The following HS3ST4 variants were observed in gnomAD, a reference collection of about 807,000 sequenced individuals.
HS3ST4 encodes heparan sulfate glucosamine 3-O-sulfotransferase 4.
HS3ST4 carries 17 observed loss-of-function variants against 29.2 expected under a neutral mutation model. The observed-to-expected ratio is 0.58, with a 90% CI of 0.40 to 0.87. The LOEUF (loss-of-function observed/expected upper bound fraction) is 0.87, where lower values mean the gene tolerates loss of function less well. Ranked by LOEUF, HS3ST4 falls within the 40% of genes least tolerant of loss-of-function variation. The pLI is 0.00. For synonymous variants in HS3ST4, 314 were observed against 285.7 expected (o/e 1.10, Z -1.00); for missense variants, 627 against 634.5 (o/e 0.99, Z 0.13).
At chr16:25,937,511 C>A (rs4262950) in intron 1 of HS3ST4, among the ~76,000 whole-genome samples, 1 of 152,044 alleles carries the variant, frequency 6.6e-6, no homozygotes. Flanking sequence ...GGAACAGGAG[C>A]GTAGGAAAGC....
Position 25,947,307 on chromosome 16 carries a change from A to G in HS3ST4, c.735-188305A>G, listed in dbSNP as rs573070067. 2.0e-5 allele frequency among the ~76,000 whole-genome samples: 3 copies of G among 152,308 alleles called. No individual in the cohort carries two copies. In the South Asian group the frequency reaches 6.2e-4, roughly 32 times the overall value. The stretch of plus-strand genomic sequence containing the variant: ...CATCTCAGAAAATACTCCATTATCC[A>G]TGTCACGCCCAGCAAGTCTAACAAC... On this transcript the variant is annotated intron_variant, in intron 1 of 1. Coordinates refer to ENST00000331351, the MANE Select transcript of HS3ST4 (RefSeq NM_006040.3).
At chr16:26,105,093 C>T (rs1899035671) in intron 1 of HS3ST4, among the ~76,000 whole-genome samples, 1 of 152,214 alleles carries the variant, frequency 6.6e-6, no homozygotes, top group African/African-American at 2.4e-5. Context: ...ATGTCTCCCA[C>T]CCAGGTGCCC....
intron 1 of HS3ST4, among the ~76,000 whole-genome samples, chr16:25,877,152 T>C (rs1047811044): frequency 6.6e-6 from 1 of 152,126 alleles, no homozygotes; most frequent in African/African-American, 2.4e-5. Flanking sequence ...GTTCATGCCC[T>C]AAATCCTAAC....
chr16:26,032,478 A>C, intron 1 of HS3ST4: 1 of 1,076,306 alleles, frequency 9.3e-7, no homozygotes, highest in East Asian at 2.4e-5. Flanking sequence ...AACTTGATAA[A>C]AAATAGTATT....
intron 1 of HS3ST4, among the ~76,000 whole-genome samples, chr16:25,843,371 A>G (rs1389901459): frequency 6.6e-6 from 1 of 152,180 alleles, no homozygotes; most frequent in South Asian, 2.1e-4. Context: ...TTTACAAGCC[A>G]GCTGATTTCC....
intron 1 of HS3ST4, among the ~76,000 whole-genome samples, chr16:25,995,504 C>T (rs745806839): frequency 2.0e-4 from 30 of 152,174 alleles, no homozygotes; most frequent in Admixed American, 1.6e-3. Context: ...CCCAACAATT[C>T]CACTGAAAAC....
At chr16:25,955,038 GCTAA>G (rs1968715968) in intron 1 of HS3ST4, among the ~76,000 whole-genome samples, 1 of 152,226 alleles carries the variant, frequency 6.6e-6, no homozygotes, top group African/African-American at 2.4e-5. Flanking sequence ...AAATGTCAAT[GCTAA>G]CTGAGAGAAT....
At chr16:25,949,432 A>T (rs1282304500) in intron 1 of HS3ST4, among the ~76,000 whole-genome samples, 1 of 152,016 alleles carries the variant, frequency 6.6e-6, no homozygotes, top group African/African-American at 2.4e-5. Flanking sequence ...ATTTCTAGTG[A>T]TGTTTTTGAT....
chr16:26,090,199 A>G (rs1235914165), intron 1 of HS3ST4, among the ~76,000 whole-genome samples: 1 of 152,082 alleles, frequency 6.6e-6, no homozygotes, highest in African/African-American at 2.4e-5. Context: ...AACTTTCCCA[A>G]GATTACACAA....
chr16:26,079,433 C>T (rs1278657372), intron 1 of HS3ST4, among the ~76,000 whole-genome samples: 3 of 152,156 alleles, frequency 2.0e-5, no homozygotes, highest in Admixed American at 1.3e-4. Context: ...GCCTGGAAGC[C>T]CTGTAGCTTC....
At chr16:26,003,830 G>C (rs999950894) in intron 1 of HS3ST4, among the ~76,000 whole-genome samples, 1 of 152,112 alleles carries the variant, frequency 6.6e-6, no homozygotes, top group African/African-American at 2.4e-5. Context: ...TGCAGGGTGG[G>C]AAAAGTAGAC....
intron 1 of HS3ST4, among the ~76,000 whole-genome samples, chr16:25,903,713 G>C (rs1444446070): frequency 6.6e-6 from 1 of 152,062 alleles, no homozygotes; most frequent in Non-Finnish European, 1.5e-5. Flanking sequence ...CTGCATGCTA[G>C]GCTTTCTCTC....
intron 1 of HS3ST4, among the ~76,000 whole-genome samples, chr16:25,758,849 G>A (rs1428162649): frequency 2.6e-5 from 4 of 152,098 alleles, no homozygotes; most frequent in East Asian, 1.9e-4. Context: ...CCAGCTACTC[G>A]GGAGGCTGAG....
Position 25,692,449 on chromosome 16 carries a change from C to A in HS3ST4, c.32C>A (p.Pro11Gln). MARWPAPPPP[P>Q]PPPPPLAAPP... ...CGGTGGCCCGCACCTCCTCCGCCTCCGCCTCCGCCTCCACCTCTGGCCGCG... is the reference window on the plus strand; with the variant it reads ...CGGTGGCCCGCACCTCCTCCGCCTCAGCCTCCGCCTCCACCTCTGGCCGCG... Residue 11 changes from proline (P) to glutamine (Q), a missense_variant, in exon 1 of 2, where the codon CCG (proline) becomes CAG (glutamine). By Grantham distance (76) the Pro-to-Gln change is moderately conservative. Around this residue, in one of 2 missense-constraint regions of HS3ST4, gnomAD observed 402 missense variants for 340.8 expected, o/e 1.18. Transcript: ENST00000331351. 1 of 1,270,980 alleles carries A rather than the reference C, an allele frequency of 7.9e-7. No individual in the cohort carries two copies. Among genetic ancestry groups the A allele is most frequent in the African/African-American group, 1.6e-5 (1 of 63,346 alleles). 78.7% of individuals were successfully genotyped at this position (1,270,980 alleles called of 1,614,324 possible).
intron 1 of HS3ST4, among the ~76,000 whole-genome samples, chr16:26,019,233 C>T (rs1231104824): frequency 6.6e-6 from 1 of 152,110 alleles, no homozygotes; most frequent in Non-Finnish European, 1.5e-5. Flanking sequence ...TGCATCCCTG[C>T]ACCCCTAGAC....
intron 1 of HS3ST4, among the ~76,000 whole-genome samples, chr16:25,924,845 G>A (rs1968387340): frequency 6.6e-6 from 1 of 152,170 alleles, no homozygotes; most frequent in Non-Finnish European, 1.5e-5. Context: ...GAACATCAAG[G>A]CCCCTGGTCT....
intron 1 of HS3ST4, among the ~76,000 whole-genome samples, chr16:26,124,474 A>T (rs562919983): frequency 7.9e-5 from 12 of 152,176 alleles, no homozygotes; most frequent in Non-Finnish European, 1.8e-4. Context: ...AATTACTTGG[A>T]TAAGTAAAGT....
At chr16:26,104,734 A>G (rs1596682547) in intron 1 of HS3ST4, among the ~76,000 whole-genome samples, 2 of 152,334 alleles carry the variant, frequency 1.3e-5, no homozygotes, top group East Asian at 3.9e-4. Context: ...TAAAATGCCC[A>G]AAGGAAATTA....
intron 1 of HS3ST4, among the ~76,000 whole-genome samples, chr16:25,790,517 G>A (rs758930807): frequency 3.9e-5 from 6 of 152,220 alleles, no homozygotes; most frequent in Non-Finnish European, 7.3e-5. Flanking sequence ...AGCAATGTTT[G>A]TGAGTCCAGG....
Sources: gnomAD v4.1 joint callset for allele counts (sites outside exome capture counted in the v4.1 genomes callset) on GRCh38, gnomAD v4.1.1 for gene constraint, gnomAD v4.1.1 regional missense constraint, MANE v1.5 for transcripts, NCBI Gene and HGNC (gene_info 2026-07-23, HGNC 2026-07-21) for gene names.